The following STRA8 variants were observed in gnomAD, a reference collection of about 807,000 sequenced individuals.
STRA8 encodes the protein stimulated by retinoic acid 8, also known as stimulated by retinoic acid gene 8 protein homolog.
STRA8 carries 18 observed loss-of-function variants against 37.1 expected under a neutral mutation model. That is an observed-to-expected ratio of 0.48 (90% CI 0.34 to 0.72). The LOEUF is 0.72. STRA8 is among the 30% of genes least tolerant of loss of function. The pLI is 0.01. For synonymous variants in STRA8, 168 were observed against 162.9 expected (o/e 1.03, Z -0.24); for missense variants, 357 against 410.4 (o/e 0.87, Z 1.13).
Position 135,246,831 on chromosome 7 carries a change from C to T in STRA8, c.879+129C>T. The T allele has an allele frequency of 1.0e-6, 1 of 990,636 alleles. No individual in the cohort carries two copies. The highest frequency in any genetic ancestry group is 1.4e-6 in the Non-Finnish European group (1 of 711,400). The allele number at this position is 990,636 out of a possible 1,614,324, so 61.4% of individuals were successfully genotyped here. A position where few individuals can be genotyped will look rare whatever the true frequency, so the allele number is the denominator to read the frequency against. ...GCCTTCTGGCTCCCAAGGTCGGTTTCTGATTTTCTTTTTTCTCTTTTTTTT... is the reference window on the plus strand; with the variant it reads ...GCCTTCTGGCTCCCAAGGTCGGTTTTTGATTTTCTTTTTTCTCTTTTTTTT... On this transcript the variant is annotated intron_variant, in intron 6 of 8. Transcript: ENST00000662584. This position sits in a 1 kb window ranked among gnomAD's most constrained non-coding sequence, Gnocchi z 5.4.
intron 8 of STRA8, among the ~76,000 whole-genome samples, 163 bp from the exon 9 acceptor site, chr7:135,258,255 G>C (rs1393503524): frequency 6.6e-6 from 1 of 152,060 alleles, no homozygotes; most frequent in Non-Finnish European, 1.5e-5. Flanking sequence ...TCCCCCCTTA[G>C]AGCCCTTGCT....
intron 6 of STRA8, among the ~76,000 whole-genome samples, 183 bp from the exon 7 acceptor site, chr7:135,251,613 G>A (rs896395117): frequency 1.1e-4 from 17 of 152,100 alleles, no homozygotes; most frequent in Admixed American, 1.0e-3. Context: ...CTAGAGTTTA[G>A]CATTTACCCC....
At chr7:135,235,577 G>T (rs969287940) in intron 1 of STRA8, among the ~76,000 whole-genome samples, 1 of 151,962 alleles carries the variant, frequency 6.6e-6, no homozygotes, top group African/African-American at 2.4e-5. Context: ...GAGTAACTGA[G>T]ATTACAGTTG....
Position 135,241,794 on chromosome 7 carries a change from TGAGA to T in STRA8, c.193-983_193-980del, listed in dbSNP as rs532568345. 2.0e-5 allele frequency among the ~76,000 whole-genome samples: 3 copies of T among 152,296 alleles called. No homozygotes were observed. In the South Asian group the frequency reaches 6.2e-4, roughly 32 times the overall value. The stretch of plus-strand genomic sequence containing the variant: ...TCTTCCCTGTCAGAGGTCAGCACCC[TGAGA>T]GAGGGGACTGTCTTATGTACTCTGT... On this transcript the variant is annotated intron_variant, in intron 2 of 8. Transcript: ENST00000662584.
chr7:135,247,627 A>G (rs1832580703), intron 6 of STRA8, among the ~76,000 whole-genome samples: 1 of 152,222 alleles, frequency 6.6e-6, no homozygotes, highest in East Asian at 1.9e-4. Context: ...CCATAGAGGG[A>G]ATCACACTTG....
intron 1 of STRA8, among the ~76,000 whole-genome samples, chr7:135,239,344 C>T (rs1301008143): frequency 6.6e-6 from 1 of 152,172 alleles, no homozygotes; most frequent in Admixed American, 6.5e-5. Context: ...AAGGCAGGGC[C>T]TGGGCATGTG....
At chr7:135,249,847 T>C (rs1187244708) in intron 6 of STRA8, among the ~76,000 whole-genome samples, 2 of 152,244 alleles carry the variant, frequency 1.3e-5, no homozygotes, top group Non-Finnish European at 2.9e-5. Flanking sequence ...ACAGCTTTTC[T>C]GGGTTTTTCA....
chr7:135,246,355 G>A lies in STRA8; in HGVS notation c.594-62G>A, dbSNP rs1832553043. The A allele has an allele frequency of 1.3e-6, 2 of 1,556,012 alleles. No individual in the cohort carries two copies. The highest frequency in any genetic ancestry group is 1.7e-6 in the Non-Finnish European group (2 of 1,148,962). ...CGTGCTGGGGTCCACACCATGAACC[G>A]AATCCCGAATCGCTTCGAGAGGGAG... is the stretch of plus-strand genomic sequence containing the variant. On this transcript the variant is annotated intron_variant, in intron 5 of 8. Coordinates refer to ENST00000662584, the MANE Select transcript of STRA8 (RefSeq NM_001394401.1). This position sits in a 1 kb window ranked among gnomAD's most constrained non-coding sequence, Gnocchi z 5.4.
chr7:135,233,645 C>G (rs1350796584), upstream of STRA8, among the ~76,000 whole-genome samples: 1 of 152,148 alleles, frequency 6.6e-6, no homozygotes, highest in Non-Finnish European at 1.5e-5. Context: ...GCCCCTCCCT[C>G]TTCTCTCTCC....
At chr7:135,237,569 C>T (rs1307123270) in intron 1 of STRA8, among the ~76,000 whole-genome samples, 1 of 152,110 alleles carries the variant, frequency 6.6e-6, no homozygotes, top group Admixed American at 6.5e-5. Flanking sequence ...CAGGTGCTGA[C>T]GGGACAGACC....
chr7:135,232,436 G>A (rs1832307259), upstream of STRA8, among the ~76,000 whole-genome samples: 2 of 151,940 alleles, frequency 1.3e-5, no homozygotes, highest in Non-Finnish European at 2.9e-5. Context: ...GAATTTTGGA[G>A]TGAAATGAAC....
chr7:135,243,055 TCA>T (rs1446753658), intron 3 of STRA8, among the ~76,000 whole-genome samples, 199 bp downstream of exon 3: 6 of 152,096 alleles, frequency 3.9e-5, no homozygotes, highest in African/African-American at 1.4e-4. Context: ...CTGGCCAGAG[TCA>T]CCAGGCCATG....
chr7:135,245,750 G>C (rs555106611), intron 5 of STRA8, among the ~76,000 whole-genome samples: 10 of 152,312 alleles, frequency 6.6e-5, no homozygotes, highest in African/African-American at 2.2e-4. Flanking sequence ...AGCTACATTA[G>C]CATAGCACAT....
intron 8 of STRA8, among the ~76,000 whole-genome samples, chr7:135,255,965 T>C (rs1335997320): frequency 6.6e-6 from 1 of 152,238 alleles, no homozygotes; most frequent in African/African-American, 2.4e-5. Flanking sequence ...TGCTGTCAGC[T>C]TTTGAAGGAT....
Position 135,246,653 on chromosome 7 carries a change from G to T in STRA8, c.830G>T (p.Gly277Val). 6.5e-7 allele frequency: 1 copy of T among 1,535,030 alleles called. No individual in the cohort carries two copies. Among genetic ancestry groups the T allele is most frequent in the Non-Finnish European group, 8.7e-7 (1 of 1,145,682 alleles). Reference protein sequence around the residue: ...ACAEGSVKDSGVDSQGASCSL... With the variant: ...ACAEGSVKDSVVDSQGASCSL... Reference sequence around the variant, plus strand: ...GCCGAGGGCAGCGTGAAGGACAGCGGCGTGGACAGCCAGGGGGCCAGCTGC... The same window carrying T: ...GCCGAGGGCAGCGTGAAGGACAGCGTCGTGGACAGCCAGGGGGCCAGCTGC... The change falls in exon 6 of 9, where the codon GGC becomes GTC. Residue 277 changes from glycine (G) to valine (V), a missense_variant. Gly to Val is a moderately radical substitution (Grantham distance 109). Coordinates refer to ENST00000662584, the MANE Select transcript of STRA8 (RefSeq NM_001394401.1). This position sits in a 1 kb window ranked among gnomAD's most constrained non-coding sequence, Gnocchi z 5.4.
rs1245247871 is a variant in STRA8 at position 135,246,886 on chromosome 7, C to T, written c.879+184C>T. 1.5e-6 allele frequency: 1 copy of T among 665,316 alleles called. No homozygotes were observed. Among genetic ancestry groups the T allele is most frequent in the African/African-American group, 1.9e-5 (1 of 52,798 alleles). The allele number at this position is 665,316 out of a possible 1,614,324, so 41.2% of individuals were successfully genotyped here. On this transcript the variant is annotated intron_variant, in intron 6 of 8. Coordinates refer to ENST00000662584, the MANE Select transcript of STRA8 (RefSeq NM_001394401.1). The surrounding 1 kb of genome is among the most constrained non-coding windows in gnomAD (Gnocchi z 5.4). ...TTGAGACGGAGTCTCGCTCTGTCGC[C>T]CAGGCTGGAGTGCAGTGGCGCGATC...
Position 135,258,588 on chromosome 7 carries a change from G to A in STRA8, c.*96G>A, listed in dbSNP as rs1163102891. ...AAGGTTGCACCTGCCTTGGCCTCCA[G>A]GACTCTTTGGAGTGGGTTGTTCCAG... On this transcript the variant is annotated 3_prime_UTR_variant, in exon 9 of 9. Coordinates refer to ENST00000662584, the MANE Select transcript of STRA8 (RefSeq NM_001394401.1). The A allele has an allele frequency of 2.1e-6, 2 of 950,712 alleles. No individual in the cohort carries two copies. The highest frequency in any genetic ancestry group is 3.2e-6 in the Non-Finnish European group (2 of 619,930). 58.9% of individuals were successfully genotyped at this position (950,712 alleles called of 1,614,324 possible). A position where few individuals can be genotyped will look rare whatever the true frequency, so the allele number is the denominator to read the frequency against.
chr7:135,258,487 T>G lies in STRA8; in HGVS notation c.1135T>G (p.Leu379Val). The stretch of plus-strand genomic sequence containing the variant: ...CACAGAGACCTTTGACGATGAAGAT[T>G]TGTAATGCAGAAGAGGAGCTGCGAG... Reference protein sequence around the residue: ...QCTETFDDEDL With the variant: ...QCTETFDDEDV The change falls in exon 9 of 9, where the codon TTG becomes GTG. Residue 379 changes from leucine (L) to valine (V), a missense_variant. Physicochemically the swap from Leu to Val is conservative, Grantham distance 32 (BLOSUM62 1). Transcript: ENST00000662584. The G allele has an allele frequency of 6.3e-7, 1 of 1,597,860 alleles. No individual in the cohort carries two copies. Among genetic ancestry groups the G allele is most frequent in the Non-Finnish European group, 8.5e-7 (1 of 1,171,566 alleles).
chr7:135,232,329 T>G (rs1832305060), upstream of STRA8, among the ~76,000 whole-genome samples: 1 of 148,660 alleles, frequency 6.7e-6, no homozygotes. Flanking sequence ...AGTCAGGGAG[T>G]GGGGGTGGAG....
Sources: gnomAD v4.1 joint callset for allele counts (sites outside exome capture counted in the v4.1 genomes callset) on GRCh38, gnomAD v4.1.1 for gene constraint, Gnocchi (gnomAD v3.1) non-coding constraint, MANE v1.5 for transcripts, NCBI Gene and HGNC (gene_info 2026-07-23, HGNC 2026-07-21) for gene names.